EP300: variants seen among roughly 807,000 people sequenced by gnomAD.
EP300 encodes EP300 lysine acetyltransferase.
EP300 carries 31 observed loss-of-function variants against 264.0 expected under a neutral mutation model. That is an observed-to-expected ratio of 0.12 (90% CI 0.09 to 0.16). The LOEUF is 0.16. Ranked by LOEUF, EP300 falls within the 10% of genes least tolerant of loss-of-function variation. EP300 has a pLI of 1.00. For synonymous variants in EP300, 1,340 were observed against 1,045.4 expected, an observed-to-expected ratio of 1.28 and a Z score of -5.44; for missense variants, 2,766 against 3,052.9, an observed-to-expected ratio of 0.91 and a Z score of 2.21.
At chr22:41,164,169 T>C in intron 22 of EP300, 39 bp downstream of exon 22, 14 of 1,572,510 alleles carry the variant, frequency 8.9e-6, no homozygotes, top group Non-Finnish European at 1.2e-5. Flanking sequence ...GAATTTTTCT[T>C]TATCGTGAAT....
At chr22:41,164,372 G>A (rs146003246) in intron 22 of EP300, among the ~76,000 whole-genome samples, 1 of 152,044 alleles carries the variant, frequency 6.6e-6, no homozygotes, top group Non-Finnish European at 1.5e-5. Context: ...ATTTTATTCT[G>A]CTGGATTGTT....
chr22:41,103,098 C>T (rs561641932), intron 1 of EP300, among the ~76,000 whole-genome samples: 1 of 152,310 alleles, frequency 6.6e-6, no homozygotes, highest in East Asian at 1.9e-4. Context: ...ATCTGCTCGC[C>T]TTGGCCTCCC....
chr22:41,162,139 C>T (rs546994021), intron 20 of EP300, among the ~76,000 whole-genome samples: 6 of 152,294 alleles, frequency 3.9e-5, no homozygotes, highest in African/African-American at 1.4e-4. Context: ...TGGTGCTGCT[C>T]ATCTTCAGAT....
Position 41,178,661 on chromosome 22 carries a change from G to A in EP300, c.6950G>A (p.Arg2317Gln), listed in dbSNP as rs149456776. 49 of 1,613,772 alleles carry A rather than the reference G, an allele frequency of 3.0e-5. No homozygotes were observed. Among genetic ancestry groups the A allele is most frequent in the African/African-American group, 1.9e-4 (14 of 74,816 alleles). Residue 2317 changes from arginine to glutamine, a missense_variant, in exon 31 of 31, where the codon CGG becomes CAG. Physicochemically the swap from Arg to Gln is conservative, Grantham distance 43 (BLOSUM62 1). Coordinates refer to ENST00000263253, the MANE Select transcript of EP300 (RefSeq NM_001429.4). ...TCTCCCCAGCCTGTCCCTTCTCCAC[G>A]GCCACAGTCCCAGCCCCCCCACTCC... ...VRSPQPVPSP[R>Q]PQSQPPHSSP...
rs764284032 is a variant in EP300 at position 41,177,989 on chromosome 22, C to A, written c.6278C>A (p.Ala2093Asp). 1 of 1,614,170 alleles carries A rather than the reference C, an allele frequency of 6.2e-7. No individual in the cohort carries two copies. Among genetic ancestry groups the A allele is most frequent in the Non-Finnish European group, 8.5e-7 (1 of 1,180,024 alleles). ...AFIKQRAAKY[A>D]NSNPQPIPGQ... ...ATCAAGCAGCGGGCTGCCAAGTATG[C>A]CAACTCTAATCCACAACCCATCCCT... is the stretch of plus-strand genomic sequence containing the variant. The change falls in exon 31 of 31, where the codon GCC (alanine) becomes GAC (aspartate). Residue 2093 changes from alanine to aspartate, a missense_variant. Ala to Asp is a moderately radical substitution (Grantham distance 126). Coordinates refer to ENST00000263253, the MANE Select transcript of EP300 (RefSeq NM_001429.4).
intron 19 of EP300, chr22:41,158,979 T>G (rs778907334): frequency 1.8e-5 from 3 of 166,930 alleles, no homozygotes; most frequent in East Asian, 3.2e-4. Flanking sequence ...TTAAGCAAAT[T>G]AAAAGGAAAA....
rs193026103 is a variant in EP300, at chr22:41,147,945, C to T, written c.2240C>T (p.Pro747Leu). The change falls in exon 12 of 31, where the codon CCG (proline) becomes CTG (leucine). Residue 747 changes from proline (P) to leucine (L), a missense_variant and splice_region_variant. Physicochemically the swap from Pro to Leu is moderately conservative, Grantham distance 98 (BLOSUM62 -3). Transcript: ENST00000263253. Reference protein sequence around the residue: ...GQLAQPGALNPPMGYGPRMQQ... With the variant: ...GQLAQPGALNLPMGYGPRMQQ... Reference sequence around the variant, plus strand: ...TTGGCTCAACCTGGAGCTCTCAACCCGGTTAGTTTGACGTCTTTGGTAATC... The same window carrying T: ...TTGGCTCAACCTGGAGCTCTCAACCTGGTTAGTTTGACGTCTTTGGTAATC... The T allele has an allele frequency of 6.8e-5, 109 of 1,598,088 alleles. No homozygotes were observed. The East Asian group carries it at 1.6e-3, about 23-fold the overall frequency.
At chr22:41,104,509 C>T (rs938438417) in intron 1 of EP300, among the ~76,000 whole-genome samples, 30 of 152,042 alleles carry the variant, frequency 2.0e-4, no homozygotes, top group East Asian at 1.2e-3. Flanking sequence ...AGGCTGACCT[C>T]GAACTCCTGA....
chr22:41,141,833 C>A (rs968229616), intron 10 of EP300, among the ~76,000 whole-genome samples: 7 of 152,012 alleles, frequency 4.6e-5, no homozygotes, highest in African/African-American at 1.7e-4. Context: ...CATGCCACCA[C>A]GCCTGTCTAA....
chr22:41,146,022 G>A (rs1869888036), intron 10 of EP300, among the ~76,000 whole-genome samples: 2 of 152,010 alleles, frequency 1.3e-5, no homozygotes, highest in African/African-American at 4.8e-5. Context: ...CAGTTTATGT[G>A]CATAAAAACG....
chr22:41,129,445 T>C (rs939941324), intron 4 of EP300, among the ~76,000 whole-genome samples: 14 of 152,224 alleles, frequency 9.2e-5, no homozygotes, highest in African/African-American at 3.4e-4. Context: ...TAAATGTTAT[T>C]GAGGGTTTGC....
Position 41,127,279 on chromosome 22 carries a change from T to C in EP300, c.907-208T>C, listed in dbSNP as rs796463750. On this transcript the variant is annotated intron_variant, in intron 3 of 30. Transcript: ENST00000263253. ...GCTCTCTGTGTATTATACATACTTATATCACTTCGTAATGTCATTTTTTTT... is the reference window on the plus strand; with the variant it reads ...GCTCTCTGTGTATTATACATACTTACATCACTTCGTAATGTCATTTTTTTT... Among the ~76,000 whole-genome samples the C allele has an allele frequency of 9.9e-5, 15 of 152,146 alleles. No individual in the cohort carries two copies. In the South Asian group the frequency reaches 1.0e-3, roughly 11 times the overall value.
chr22:41,164,055 T>C lies in EP300; in HGVS notation c.3731T>C (p.Phe1244Ser). Residue 1244 changes from phenylalanine to serine, a missense_variant and splice_region_variant, in exon 22 of 31, where the codon TTT becomes TCT. Phe to Ser is a radical substitution (Grantham distance 155, BLOSUM62 -2). Coordinates refer to ENST00000263253, the MANE Select transcript of EP300 (RefSeq NM_001429.4). ...RKNDTLDPEL[F>S]VECTECGRKM... The stretch of plus-strand genomic sequence containing the variant: ...TGGAATTGGCTCTGCTCTTCCAGGT[T>C]TGTTGAATGTACAGAGTGCGGAAGA... 6.2e-7 allele frequency: 1 copy of C among 1,614,180 alleles called. No individual in the cohort carries two copies. The highest frequency in any genetic ancestry group is 8.5e-7 in the Non-Finnish European group (1 of 1,180,014).
rs780017165 is a variant in EP300, at chr22:41,178,917, G to A, written c.7206G>A (p.Leu2402=). The change falls in exon 31 of 31, where the codon TTG becomes TTA. Residue 2402 remains leucine (L), a synonymous_variant. Coordinates refer to ENST00000263253, the MANE Select transcript of EP300 (RefSeq NM_001429.4). ...DLGLSTDNSD[L]NSNLSQSTLD... Reference sequence around the variant, plus strand: ...GACTCAGCACCGATAACTCAGACTTGAATTCAAACCTCTCACAGAGTACAC... The same window carrying A: ...GACTCAGCACCGATAACTCAGACTTAAATTCAAACCTCTCACAGAGTACAC... 2 of 1,614,190 alleles carry A rather than the reference G, an allele frequency of 1.2e-6. No individual in the cohort carries two copies. Among genetic ancestry groups the A allele is most frequent in the Non-Finnish European group, 1.7e-6 (2 of 1,180,042 alleles).
At chr22:41,167,584 GTATATATATATATATATATATATATATA>G (rs56131556) in intron 23 of EP300, among the ~76,000 whole-genome samples, 422 of 34,506 alleles carry the variant, frequency 0.012, 11 homozygotes, top group Middle Eastern at 0.026. Context: ...GTGTGTGTGT[GTATATATATATATATATATATATATATA>G]TATATATATA....
At chr22:41,145,267 G>A (rs1480636706) in intron 10 of EP300, among the ~76,000 whole-genome samples, 1 of 152,202 alleles carries the variant, frequency 6.6e-6, no homozygotes, top group African/African-American at 2.4e-5. Context: ...TAATTTTTAT[G>A]TAATGAGCAT....
chr22:41,110,956 A>T (rs2058786680), intron 1 of EP300, among the ~76,000 whole-genome samples: 1 of 145,176 alleles, frequency 6.9e-6, no homozygotes, highest in Admixed American at 7.1e-5. Context: ...CTATGTTATA[A>T]ATCTTTTTTT....
rs1420465159 is a variant in EP300 at position 41,092,940 on chromosome 22, G to A, written c.-65G>A. The stretch of plus-strand genomic sequence containing the variant: ...CCCCTGGGTGCGGCGCGGGGACCCC[G>A]GGCCGAAGAAGAGATTTCCTGAGGA... On this transcript the variant is annotated 5_prime_UTR_variant, in exon 1 of 31. Coordinates refer to ENST00000263253, the MANE Select transcript of EP300 (RefSeq NM_001429.4). The A allele has an allele frequency of 1.3e-6, 2 of 1,593,450 alleles. No individual in the cohort carries two copies. Among genetic ancestry groups the A allele is most frequent in the Admixed American group, 1.7e-5 (1 of 60,002 alleles).
chr22:41,093,183 CCT>C (rs528864037), intron 1 of EP300, 85 bp downstream of exon 1: 15 of 1,358,742 alleles, frequency 1.1e-5, no homozygotes, highest in South Asian at 2.4e-5. Context: ...TTTTTTTCTT[CCT>C]CTCTCTCTAG....
Sources: gnomAD v4.1 joint callset for allele counts (sites outside exome capture counted in the v4.1 genomes callset) on GRCh38, gnomAD v4.1.1 for gene constraint, MANE v1.5 for transcripts, NCBI Gene and HGNC (gene_info 2026-07-23, HGNC 2026-07-21) for gene names.